Variants in PREX1 observed in about 807,000 individuals in gnomAD.
PREX1 encodes phosphatidylinositol-3,4,5-trisphosphate dependent Rac exchange factor 1, also known as phosphatidylinositol 3,4,5-trisphosphate-dependent Rac exchanger 1 protein.
A neutral mutation model predicts 198.3 loss-of-function variants in PREX1; 41 were observed. That is an observed-to-expected ratio of 0.21 (90% CI 0.16 to 0.27). PREX1 has a LOEUF of 0.27. PREX1 is among the 10% of genes least tolerant of loss of function. PREX1 has a pLI of 1.00. For synonymous variants in PREX1, 843 were observed against 887.2 expected, an observed-to-expected ratio of 0.95 and a Z score of 0.89; for missense variants, 1,620 against 2,200.7, an observed-to-expected ratio of 0.74 and a Z score of 5.28.
At chr20:48,627,778 C>G (rs1265899897) in intron 38 of PREX1, 83 bp downstream of exon 38, 8 of 1,441,246 alleles carry the variant, frequency 5.6e-6, no homozygotes, top group Non-Finnish European at 7.6e-6. Flanking sequence ...TGGTGGCTAC[C>G]AGCCCCTCAT....
At chr20:48,787,879 G>C (rs1226682597) in intron 1 of PREX1, among the ~76,000 whole-genome samples, 1 of 152,140 alleles carries the variant, frequency 6.6e-6, no homozygotes, top group South Asian at 2.1e-4. Flanking sequence ...CTGGAGGAGG[G>C]AAATATGGCT....
At chr20:48,695,613 T>C (rs1052934630) in intron 7 of PREX1, among the ~76,000 whole-genome samples, 1 of 152,254 alleles carries the variant, frequency 6.6e-6, no homozygotes. Context: ...CATTATGGTA[T>C]GTGTACAGTA....
chr20:48,818,206 A>G (rs1273245758), intron 1 of PREX1, among the ~76,000 whole-genome samples: 1 of 152,130 alleles, frequency 6.6e-6, no homozygotes, highest in Non-Finnish European at 1.5e-5. Flanking sequence ...GAAGTGGGCG[A>G]GGGGGTAAGA....
At chr20:48,670,830 C>T (rs1029042406) in intron 14 of PREX1, among the ~76,000 whole-genome samples, 1 of 152,214 alleles carries the variant, frequency 6.6e-6, no homozygotes, top group Non-Finnish European at 1.5e-5. Context: ...CCCTGCCACA[C>T]ACAAACACAC....
chr20:48,876,540 G>A, the PREX1 span, among the ~76,000 whole-genome samples: 1 of 152,170 alleles, frequency 6.6e-6, no homozygotes, highest in African/African-American at 2.4e-5. Context: ...GCGACTCTTG[G>A]ATGTGTGATC....
At position 48,653,384 on chromosome 20, in the gene PREX1, G is replaced by A. The variant is rs751140183; in HGVS notation, c.2323C>T (p.Arg775Trp). 29 of 1,613,532 alleles carry A rather than the reference G, an allele frequency of 1.8e-5. No homozygotes were observed. Among genetic ancestry groups the A allele is most frequent in the South Asian group, 9.9e-5 (9 of 91,074 alleles). Reference sequence around the variant, plus strand: ...ACCAGGGCCTCTTCGCGCCGACTCCGGAATGCCTGGAAGTGCTCCAGGACC... The same window carrying A: ...ACCAGGGCCTCTTCGCGCCGACTCCAGAATGCCTGGAAGTGCTCCAGGACC... The part of the protein sequence containing the change: ...PEVLEHFQAF[R>W]SRREEALGLY... Residue 775 changes from arginine to tryptophan, a missense_variant, in exon 20 of 40, where the codon CGG becomes TGG. Arg to Trp is a moderately radical substitution (Grantham distance 101). Coordinates refer to ENST00000371941, the MANE Select transcript of PREX1 (RefSeq NM_020820.4).
At chr20:48,737,516 G>A (rs2090062364) in intron 3 of PREX1, among the ~76,000 whole-genome samples, 1 of 152,186 alleles carries the variant, frequency 6.6e-6, no homozygotes, top group Non-Finnish European at 1.5e-5. Flanking sequence ...TGAATGAAAG[G>A]AAGAAAAGAG....
chr20:48,646,348 C>T (rs890095183), intron 25 of PREX1, among the ~76,000 whole-genome samples: 9 of 152,190 alleles, frequency 5.9e-5, no homozygotes, highest in African/African-American at 2.2e-4. Context: ...AGTGTGGAAG[C>T]AAATGGGCGT....
At chr20:48,826,626 CG>C (rs1281533632) in intron 1 of PREX1, among the ~76,000 whole-genome samples, 1 of 152,138 alleles carries the variant, frequency 6.6e-6, no homozygotes, top group Non-Finnish European at 1.5e-5. Context: ...AGGCCGAGGT[CG>C]GCGGATCACT....
intron 1 of PREX1, among the ~76,000 whole-genome samples, chr20:48,755,155 C>T (rs186792934): frequency 3.3e-5 from 5 of 152,208 alleles, no homozygotes; most frequent in Admixed American, 6.5e-5. Flanking sequence ...TTTAATAACA[C>T]GGAAAAGGAC....
chr20:48,656,361 G>A (rs922548416), intron 18 of PREX1: 1 of 414,620 alleles, frequency 2.4e-6, no homozygotes, highest in African/African-American at 2.1e-5. Context: ...TCCACTTGCA[G>A]CCACAGGACT....
In PREX1 at chr20:48,713,724, G is replaced by T. The variant is rs577817742; in HGVS notation, c.622-5303C>A. 2.2e-3 allele frequency among the ~76,000 whole-genome samples: 324 copies of T among 148,182 alleles called. 2 individuals carry two copies. Among genetic ancestry groups the T allele is most frequent in the African/African-American group, 8.0e-3 (312 of 38,890 alleles). On this transcript the variant is annotated intron_variant, in intron 5 of 39. Transcript: ENST00000371941. ...TGCACTCCAGCCTGAGTGACAGAACGAACCTGTCTCTATTATCTCTTTTAA... is the reference window on the plus strand; with the variant it reads ...TGCACTCCAGCCTGAGTGACAGAACTAACCTGTCTCTATTATCTCTTTTAA...
chr20:48,829,748 C>G (rs1024599241), upstream of PREX1, among the ~76,000 whole-genome samples: 1 of 152,196 alleles, frequency 6.6e-6, no homozygotes, highest in South Asian at 2.1e-4. Context: ...CTGTCTACCA[C>G]GAGGGGAGAA....
At chr20:48,830,712 A>G (rs1172894435), upstream of PREX1, among the ~76,000 whole-genome samples, 1 of 152,230 alleles carries the variant, frequency 6.6e-6, no homozygotes, top group East Asian at 1.9e-4. Context: ...TAATGATGAC[A>G]CTAAAAGATA....
chr20:48,774,695 G>T (rs752545106), intron 1 of PREX1, among the ~76,000 whole-genome samples: 3 of 152,256 alleles, frequency 2.0e-5, no homozygotes, highest in Non-Finnish European at 2.9e-5. Flanking sequence ...AAGCTGCTTT[G>T]CCAGGGAAGC....
At chr20:48,851,816 G>T in the PREX1 span, among the ~76,000 whole-genome samples, 5 of 152,234 alleles carry the variant, frequency 3.3e-5, no homozygotes, top group African/African-American at 1.2e-4. Context: ...TTTAAATATT[G>T]AAGTTCACCC....
chr20:48,671,271 T>C (rs370883897), intron 14 of PREX1, among the ~76,000 whole-genome samples: 31 of 152,314 alleles, frequency 2.0e-4, no homozygotes, highest in African/African-American at 7.2e-4. Context: ...AGAAAAAATG[T>C]TCTCCAACAG....
intron 14 of PREX1, among the ~76,000 whole-genome samples, chr20:48,672,870 C>A (rs1016645463): frequency 3.9e-5 from 6 of 152,228 alleles, no homozygotes; most frequent in Admixed American, 2.6e-4. Flanking sequence ...CACCAGCGGG[C>A]ATGTGATGTA....
chr20:48,626,505 T>G (rs1422862146), intron 39 of PREX1, among the ~76,000 whole-genome samples: 1 of 152,072 alleles, frequency 6.6e-6, no homozygotes, highest in Non-Finnish European at 1.5e-5. Context: ...ACCTGCCAAG[T>G]GGGGATGACA....
Sources: gnomAD v4.1 joint callset for allele counts (sites outside exome capture counted in the v4.1 genomes callset) on GRCh38, gnomAD v4.1.1 for gene constraint, MANE v1.5 for transcripts, NCBI Gene and HGNC (gene_info 2026-07-23, HGNC 2026-07-21) for gene names.